ZNF423: variants seen among roughly 807,000 people sequenced by gnomAD.
ZNF423 encodes Ebf-associated zinc finger protein.
Under a neutral mutation model 95.8 loss-of-function variants are expected in ZNF423, and 12 were observed. The observed-to-expected ratio is 0.13, with a 90% CI of 0.08 to 0.20. The LOEUF (loss-of-function observed/expected upper bound fraction) is 0.20, where lower values mean the gene tolerates loss of function less well. Ranked by LOEUF, ZNF423 falls within the 10% of genes least tolerant of loss-of-function variation. The pLI, the probability that ZNF423 is intolerant of heterozygous loss-of-function variation, is 1.00. For synonymous variants in ZNF423, 749 were observed against 711.9 expected (o/e 1.05, Z -0.83); for missense variants, 1,316 against 1,737.1 (o/e 0.76, Z 4.31).
At chr16:49,807,899 A>G (rs533435901) in intron 1 of ZNF423, among the ~76,000 whole-genome samples, 4 of 152,298 alleles carry the variant, frequency 2.6e-5, no homozygotes, top group African/African-American at 9.6e-5. Context: ...CTCCCCAGAC[A>G]ACTCCTGCCA....
At chr16:49,842,848 A>G (rs1314173157) in intron 1 of ZNF423, among the ~76,000 whole-genome samples, 1 of 152,042 alleles carries the variant, frequency 6.6e-6, no homozygotes, top group Non-Finnish European at 1.5e-5. Flanking sequence ...GCGTACTGGC[A>G]TGTGCCTCTA....
chr16:49,745,650 C>T (rs1427087298), intron 2 of ZNF423, among the ~76,000 whole-genome samples: 2 of 152,172 alleles, frequency 1.3e-5, no homozygotes, highest in Non-Finnish European at 2.9e-5. Context: ...GTGCAATTAC[C>T]CTTAGTCTCA....
intron 3 of ZNF423, among the ~76,000 whole-genome samples, chr16:49,647,885 G>T (rs1567530928): frequency 6.6e-6 from 1 of 152,196 alleles, no homozygotes; most frequent in Non-Finnish European, 1.5e-5. Flanking sequence ...CAGGAGTGGG[G>T]TGCTATGAGA....
At chr16:49,634,576 A>G (rs1273653228) in intron 4 of ZNF423, among the ~76,000 whole-genome samples, 1 of 152,050 alleles carries the variant, frequency 6.6e-6, no homozygotes, top group East Asian at 1.9e-4. Flanking sequence ...AAACACCCTC[A>G]GCAAACACCC....
At chr16:49,510,800 T>C (rs1037963559) in intron 7 of ZNF423, among the ~76,000 whole-genome samples, 1 of 152,214 alleles carries the variant, frequency 6.6e-6, no homozygotes, top group Non-Finnish European at 1.5e-5. Flanking sequence ...ACTAAGAAAC[T>C]GAAGGCATGT....
In ZNF423 at chr16:49,789,560, C is replaced by T. The variant is rs1567343847; in HGVS notation, c.41-14G>A. On this transcript the variant is annotated splice_polypyrimidine_tract_variant and intron_variant, in intron 1 of 7. Transcript: ENST00000563137. ...CCCCCTCTTCAACTGAAAGAGAGAA[C>T]AGAGATGGGCCTGTGAGTTTGAAGG... 2 of 1,610,458 alleles carry T rather than the reference C, an allele frequency of 1.2e-6. No homozygotes were observed. The highest frequency in any genetic ancestry group is 1.7e-6 in the Non-Finnish European group (2 of 1,179,024).
intron 3 of ZNF423, among the ~76,000 whole-genome samples, chr16:49,704,751 CAG>C (rs2032298541): frequency 6.6e-6 from 1 of 152,178 alleles, no homozygotes; most frequent in South Asian, 2.1e-4. Context: ...ACACACACAC[CAG>C]ACTCCCAAAC....
chr16:49,677,307 A>AAGGGAAGGGAAGG (rs2031131183), intron 3 of ZNF423, among the ~76,000 whole-genome samples: 2 of 69,848 alleles, frequency 2.9e-5, no homozygotes, highest in Non-Finnish European at 5.9e-5. Context: ...AGAAGAGAAG[A>AAGGGAAGGGAAGG]GAAAGGAGGG....
intron 5 of ZNF423, among the ~76,000 whole-genome samples, chr16:49,556,367 C>T (rs951906215): frequency 6.6e-6 from 1 of 152,186 alleles, no homozygotes; most frequent in Non-Finnish European, 1.5e-5. Flanking sequence ...GAATCAGATG[C>T]CCCTTCTCAG....
At chr16:49,651,417 G>C (rs942697450) in intron 3 of ZNF423, among the ~76,000 whole-genome samples, 1 of 152,116 alleles carries the variant, frequency 6.6e-6, no homozygotes, top group Non-Finnish European at 1.5e-5. Flanking sequence ...GGGCTTCTTG[G>C]AGGAGGGACC....
intron 3 of ZNF423, among the ~76,000 whole-genome samples, chr16:49,673,239 G>A (rs2030895619): frequency 6.6e-6 from 1 of 152,210 alleles, no homozygotes; most frequent in Non-Finnish European, 1.5e-5. Flanking sequence ...GCCTTTGGGA[G>A]GAGTGGTGAC....
intron 1 of ZNF423, among the ~76,000 whole-genome samples, chr16:49,841,708 G>A (rs1273389917): frequency 6.6e-6 from 1 of 152,246 alleles, no homozygotes; most frequent in East Asian, 1.9e-4. Flanking sequence ...TGGTCCAGTG[G>A]TTAGGGTCTA....
At chr16:49,854,073 G>A (rs2035330217) in intron 1 of ZNF423, 1 of 985,228 alleles carries the variant, frequency 1.0e-6, no homozygotes, top group Non-Finnish European at 1.2e-6. Flanking sequence ...ATCAGCAAAA[G>A]AGAAACATCC....
chr16:49,707,534 T>C (rs563849506), intron 3 of ZNF423, among the ~76,000 whole-genome samples: 36 of 151,692 alleles, frequency 2.4e-4, no homozygotes, highest in African/African-American at 8.5e-4. Context: ...GGAGAATCAT[T>C]TGAACCCAGG....
intron 3 of ZNF423, among the ~76,000 whole-genome samples, chr16:49,709,003 C>A (rs181808797): frequency 6.6e-6 from 1 of 152,162 alleles, no homozygotes; most frequent in African/African-American, 2.4e-5. Context: ...CTGGGAAGAG[C>A]TGATTTCCCT....
intron 5 of ZNF423, among the ~76,000 whole-genome samples, chr16:49,623,429 A>G (rs980074735): frequency 3.9e-5 from 6 of 152,228 alleles, no homozygotes; most frequent in East Asian, 3.8e-4. Context: ...CACTAAAGGC[A>G]AGGTAGAAGA....
intron 4 of ZNF423, among the ~76,000 whole-genome samples, chr16:49,626,463 C>T (rs1972274939): frequency 6.6e-6 from 1 of 152,042 alleles, no homozygotes; most frequent in Admixed American, 6.5e-5. Context: ...AAGGGAGCTG[C>T]TTCTCTGCTA....
rs2034951975 is a variant in ZNF423 at position 49,822,189 on chromosome 16, T to C, written c.41-32643A>G. ...CCCGCAGGAATTTTTTTTTTTTTTT[T>C]CTGAAATGGAGTCTCTCTCTGTTGC... On this transcript the variant is annotated intron_variant, in intron 1 of 7. Coordinates refer to ENST00000563137, the MANE Select transcript of ZNF423 (RefSeq NM_001379286.1). Among the ~76,000 whole-genome samples, 5 of 141,562 alleles carry C rather than the reference T, an allele frequency of 3.5e-5. No homozygotes were observed. In the Admixed American group the frequency reaches 3.5e-4, roughly 10 times the overall value. 92.9% of individuals were successfully genotyped at this position (141,562 alleles called of 152,430 possible).
chr16:49,736,162 T>TCC (rs1169536992), intron 2 of ZNF423, among the ~76,000 whole-genome samples: 1 of 152,070 alleles, frequency 6.6e-6, no homozygotes, highest in African/African-American at 2.4e-5. Context: ...GGCCTCTGAA[T>TCC]CCCCACACAG....
Sources: allele counts gnomAD v4.1 joint callset (sites outside exome capture counted in the v4.1 genomes callset), GRCh38; gene constraint gnomAD v4.1.1; transcripts MANE v1.5; gene names NCBI Gene and HGNC (gene_info 2026-07-23, HGNC 2026-07-21).